SLC35F1: variants seen among roughly 807,000 people sequenced by gnomAD.
The protein encoded by SLC35F1 is solute carrier family 35 member F1.
A neutral mutation model predicts 48.7 loss-of-function variants in SLC35F1; 14 were observed. The observed-to-expected ratio is 0.29, with a 90% CI of 0.19 to 0.45. The LOEUF (loss-of-function observed/expected upper bound fraction) is 0.45, where lower values mean the gene tolerates loss of function less well. Ranked by LOEUF, SLC35F1 falls within the 20% of genes least tolerant of loss-of-function variation. The pLI is 1.00. For missense variants in SLC35F1, 404 were observed against 500.0 expected (o/e 0.81, Z 1.83); for synonymous variants, 190 against 202.2 (o/e 0.94, Z 0.51).
intron 3 of SLC35F1, among the ~76,000 whole-genome samples, chr6:118,255,623 A>C (rs1045769357): frequency 7.2e-5 from 11 of 152,204 alleles, no homozygotes; most frequent in Admixed American, 2.0e-4. Flanking sequence ...TGAGAGCTGA[A>C]GCCAAAAGTA....
intron 1 of SLC35F1, among the ~76,000 whole-genome samples, chr6:118,068,716 T>C (rs981300367): frequency 2.6e-5 from 4 of 152,188 alleles, no homozygotes; most frequent in African/African-American, 9.6e-5. Flanking sequence ...GAAAATGGTC[T>C]TTAGTTACTA....
chr6:118,202,405 G>A (rs1397038009), intron 2 of SLC35F1, among the ~76,000 whole-genome samples: 1 of 152,120 alleles, frequency 6.6e-6, no homozygotes, highest in Non-Finnish European at 1.5e-5. Context: ...GGTGAGGCAG[G>A]AGGATTGCTT....
chr6:118,183,322 C>A (rs1415180792), intron 2 of SLC35F1, among the ~76,000 whole-genome samples: 1 of 151,984 alleles, frequency 6.6e-6, no homozygotes, highest in African/African-American at 2.4e-5. Context: ...CCATTATTGA[C>A]AACACAGAAT....
At chr6:118,062,205 G>A (rs1452405781) in intron 1 of SLC35F1, among the ~76,000 whole-genome samples, 3 of 152,104 alleles carry the variant, frequency 2.0e-5, no homozygotes, top group Non-Finnish European at 2.9e-5. Flanking sequence ...TAAATTTAAT[G>A]TTATAAGAAA....
chr6:118,212,005 C>T (rs748186591), intron 2 of SLC35F1, among the ~76,000 whole-genome samples: 7 of 152,214 alleles, frequency 4.6e-5, no homozygotes, highest in Non-Finnish European at 1.0e-4. Flanking sequence ...TCAGTCCCCT[C>T]TAGTTTAGCT....
chr6:117,933,512 G>T (rs1423309066), intron 1 of SLC35F1, among the ~76,000 whole-genome samples: 2 of 152,200 alleles, frequency 1.3e-5, no homozygotes, highest in African/African-American at 4.8e-5. Context: ...GAATAGTGGA[G>T]AATATAAATC....
chr6:118,046,251 C>T (rs897473050), intron 1 of SLC35F1, among the ~76,000 whole-genome samples: 25 of 152,264 alleles, frequency 1.6e-4, no homozygotes, highest in African/African-American at 5.8e-4. Context: ...TCTGCCCCTA[C>T]TCAAAATTCA....
intron 1 of SLC35F1, among the ~76,000 whole-genome samples, chr6:118,063,653 T>G (rs1582645505): frequency 6.6e-6 from 1 of 152,142 alleles, no homozygotes; most frequent in East Asian, 1.9e-4. Flanking sequence ...TTCCTTTTCC[T>G]CAGTAATCAC....
intron 3 of SLC35F1, among the ~76,000 whole-genome samples, chr6:118,240,442 T>A (rs1045910696): frequency 3.3e-5 from 5 of 152,228 alleles, no homozygotes; most frequent in African/African-American, 1.2e-4. Context: ...ATTATTTTCA[T>A]CTGATTAATA....
At chr6:118,115,460 A>T (rs915792100) in intron 1 of SLC35F1, among the ~76,000 whole-genome samples, 1 of 152,198 alleles carries the variant, frequency 6.6e-6, no homozygotes, top group African/African-American at 2.4e-5. Flanking sequence ...GAATAAAAAT[A>T]TGTGTTTTCT....
intron 2 of SLC35F1, among the ~76,000 whole-genome samples, chr6:118,162,962 T>C (rs1774260308): frequency 1.2e-5 from 1 of 83,764 alleles, no homozygotes; most frequent in Non-Finnish European, 2.3e-5. Flanking sequence ...CTTTTCTTTC[T>C]TTTTTTTTTT....
intron 2 of SLC35F1, among the ~76,000 whole-genome samples, chr6:118,214,411 G>T (rs1437081845): frequency 6.6e-6 from 1 of 152,148 alleles, no homozygotes; most frequent in Admixed American, 6.5e-5. Context: ...ATTAGAGTGT[G>T]ATTGACACTT....
intron 2 of SLC35F1, among the ~76,000 whole-genome samples, chr6:118,173,981 C>T (rs1441852730): frequency 6.6e-6 from 1 of 152,172 alleles, no homozygotes. Flanking sequence ...ATTCTGCTCT[C>T]AAATTATTTG....
At chr6:118,235,714 C>G (rs1775355933) in intron 3 of SLC35F1, 78 bp downstream of exon 3, 1 of 1,473,586 alleles carries the variant, frequency 6.8e-7, no homozygotes, top group Non-Finnish European at 9.3e-7. Context: ...TTGAAAATCT[C>G]TATACTACAA....
Position 118,314,282 on chromosome 6 carries a change from A to ATGAGTTGGC in SLC35F1, c.*30_*31insTGAGTTGGC. The ATGAGTTGGC allele has an allele frequency of 6.3e-7, 1 of 1,592,674 alleles. No individual in the cohort carries two copies. The highest frequency in any genetic ancestry group is 8.6e-7 in the Non-Finnish European group (1 of 1,160,764). On this transcript the variant is annotated 3_prime_UTR_variant, in exon 8 of 8. Transcript: ENST00000360388. Reference sequence around the variant, plus strand: ...AGGCCCGCCCTGCCAACTGAGGCCAACTCATTGGCCATGTTTTTGCCCATC... The same window carrying ATGAGTTGGC: ...AGGCCCGCCCTGCCAACTGAGGCCAATGAGTTGGCCTCATTGGCCATGTTTTTGCCCATC...
intron 2 of SLC35F1, among the ~76,000 whole-genome samples, chr6:118,225,798 C>T (rs962972874): frequency 6.6e-6 from 1 of 151,348 alleles, no homozygotes; most frequent in Admixed American, 6.6e-5. Context: ...ATGGCATGAA[C>T]CCGGGAGGTG....
chr6:118,275,471 T>G lies in SLC35F1; in HGVS notation c.650T>G (p.Leu217Arg). 6.2e-7 allele frequency: 1 copy of G among 1,611,498 alleles called. No homozygotes were observed. The change falls in exon 5 of 8, where the codon CTG becomes CGG. Residue 217 changes from leucine (L) to arginine (R), a missense_variant. Physicochemically the swap from Leu to Arg is moderately radical, Grantham distance 102. Transcript: ENST00000360388. ...GRHQGAGENK[L>R]VGDLLVLGGA... is the part of the protein sequence containing the mutation. ...GGTTGGTTCCTAGGGGAAAATAAGCTGGTAGGGGACCTTCTGGTCTTAGGA... is the reference window on the plus strand; with the variant it reads ...GGTTGGTTCCTAGGGGAAAATAAGCGGGTAGGGGACCTTCTGGTCTTAGGA...
chr6:118,247,097 AAAT>A (rs1214337333), intron 3 of SLC35F1, among the ~76,000 whole-genome samples: 1 of 152,250 alleles, frequency 6.6e-6, no homozygotes, highest in Non-Finnish European at 1.5e-5. Context: ...AATTTAAGGA[AAAT>A]ACATAAAGAA....
At chr6:118,285,808 T>C (rs1776042195) in intron 7 of SLC35F1, among the ~76,000 whole-genome samples, 1 of 152,188 alleles carries the variant, frequency 6.6e-6, no homozygotes, top group Non-Finnish European at 1.5e-5. Context: ...GCTAATGCAC[T>C]AGAAATAGTT....
Sources: gnomAD v4.1 joint callset for allele counts (sites outside exome capture counted in the v4.1 genomes callset) on GRCh38, gnomAD v4.1.1 for gene constraint, MANE v1.5 for transcripts, NCBI Gene and HGNC (gene_info 2026-07-23, HGNC 2026-07-21) for gene names.